TMEM63A: variants seen among roughly 807,000 people sequenced by gnomAD.
TMEM63A encodes the protein transmembrane protein 63A.
TMEM63A carries 76 observed loss-of-function variants against 100.6 expected under a neutral mutation model. That is an observed-to-expected ratio of 0.76 (90% CI 0.63 to 0.91). The LOEUF (loss-of-function observed/expected upper bound fraction) is 0.91, where lower values mean the gene tolerates loss of function less well. Among genes scored for constraint, TMEM63A ranks in the 40% least tolerant of loss-of-function variants. The pLI is 0.00. For missense variants in TMEM63A, 876 were observed against 1,008.8 expected, an observed-to-expected ratio of 0.87 and a Z score of 1.78; for synonymous variants, 401 against 401.1, an observed-to-expected ratio of 1.00 and a Z score of 0.00.
In TMEM63A at chr1:225,846,877, A is replaced by C. The variant is rs1489494209; in HGVS notation, c.*62T>G. The C allele has an allele frequency of 9.3e-6, 8 of 863,288 alleles. No homozygotes were observed. The highest frequency in any genetic ancestry group is 3.1e-5 in the Admixed American group (1 of 32,272). The allele number at this position is 863,288 out of a possible 1,614,324, so 53.5% of individuals were successfully genotyped here. On this transcript the variant is annotated 3_prime_UTR_variant, in exon 25 of 25. Transcript: ENST00000366835. ...GGGCAGTCCCAACGCATTCCCACTC[A>C]GCCAAGGGCCTGAGCCCCAGGCCAT...
chr1:225,866,825 G>A, intron 8 of TMEM63A, 143 bp from the exon 9 acceptor site: 1 of 770,402 alleles, frequency 1.3e-6, no homozygotes, highest in Admixed American at 2.2e-5. Flanking sequence ...CAGAGGTTGT[G>A]TGGCCAGCAC....
rs184515780 is a variant in TMEM63A, at chr1:225,852,356, G to A, written c.1903+308C>T. 4.4e-3 allele frequency among the ~76,000 whole-genome samples: 669 copies of A among 152,242 alleles called. 8 individuals are homozygous for A. The highest frequency in any genetic ancestry group is 4.5e-3 in the Non-Finnish European group (309 of 68,014). ...AAAAAGTTAGGCAGGCATGGTGGCG[G>A]GCACCTGTAATCCCAGCTACTCAGG... On this transcript the variant is annotated intron_variant, in intron 20 of 24. Transcript: ENST00000366835.
At chr1:225,852,440 C>A (rs1669389724) in intron 20 of TMEM63A, among the ~76,000 whole-genome samples, 1 of 152,188 alleles carries the variant, frequency 6.6e-6, no homozygotes, top group South Asian at 2.1e-4. Flanking sequence ...AAGCCAAGAT[C>A]ATGCCACTCC....
rs181009573 is a variant in TMEM63A at position 225,871,897 on chromosome 1, C to T, written c.333+90G>A. On this transcript the variant is annotated intron_variant, in intron 5 of 24. Coordinates refer to ENST00000366835, the MANE Select transcript of TMEM63A (RefSeq NM_014698.3). Reference sequence around the variant, plus strand: ...GAAAAGCACTTTCTCCAGCACTTGCCGCTCAAGATCCGCCCTGCTCCCTCC... The same window carrying T: ...GAAAAGCACTTTCTCCAGCACTTGCTGCTCAAGATCCGCCCTGCTCCCTCC... The T allele has an allele frequency of 1.9e-4, 186 of 975,244 alleles. 1 individual carries two copies. In the East Asian group the frequency reaches 4.1e-3, roughly 22 times the overall value. 60.4% of individuals were successfully genotyped at this position (975,244 alleles called of 1,614,324 possible).
intron 20 of TMEM63A, among the ~76,000 whole-genome samples, chr1:225,851,993 G>C (rs1241066176): frequency 6.6e-6 from 1 of 152,288 alleles, no homozygotes; most frequent in Non-Finnish European, 1.5e-5. Context: ...GTAGGATGAG[G>C]TGAGAAATGT....
In TMEM63A at chr1:225,845,719, C is replaced by T. The variant is rs1398719102; in HGVS notation, c.*1220G>A. 4 of 351,234 alleles carry T rather than the reference C, an allele frequency of 1.1e-5. No homozygotes were observed. Among genetic ancestry groups the T allele is most frequent in the South Asian group, 8.2e-5 (3 of 36,474 alleles). The allele number at this position is 351,234 out of a possible 1,614,324, so 21.8% of individuals were successfully genotyped here. On this transcript the variant is annotated 3_prime_UTR_variant, in exon 25 of 25. Coordinates refer to ENST00000366835, the MANE Select transcript of TMEM63A (RefSeq NM_014698.3). Reference sequence around the variant, plus strand: ...CTATGCTGCACCAGACCAATGGCACCGCCCCCACCCCTCCCAGCGCAGGGG... The same window carrying T: ...CTATGCTGCACCAGACCAATGGCACTGCCCCCACCCCTCCCAGCGCAGGGG...
In TMEM63A at chr1:225,845,842, A is replaced by G. The variant is rs1668940742; in HGVS notation, c.*1097T>C. 1 of 221,806 alleles carries G rather than the reference A, an allele frequency of 4.5e-6. No individual in the cohort carries two copies. Among genetic ancestry groups the G allele is most frequent in the Non-Finnish European group, 9.1e-6 (1 of 110,432 alleles). The allele number at this position is 221,806 out of a possible 1,614,324, so 13.7% of individuals were successfully genotyped here. On this transcript the variant is annotated 3_prime_UTR_variant, in exon 25 of 25. Coordinates refer to ENST00000366835, the MANE Select transcript of TMEM63A (RefSeq NM_014698.3). Reference sequence around the variant, plus strand: ...AGGCCCAGATAAGCCCAGGCCCCCCAGGCCAGCGGACAGGCACAGGCAGGG... The same window carrying G: ...AGGCCCAGATAAGCCCAGGCCCCCCGGGCCAGCGGACAGGCACAGGCAGGG...
intron 22 of TMEM63A, 30 bp from the exon 23 acceptor site, chr1:225,848,584 TAAAC>T: frequency 6.2e-7 from 1 of 1,611,576 alleles, no homozygotes; most frequent in Non-Finnish European, 8.5e-7. Context: ...CTTGCGATGA[TAAAC>T]AAAACTGATC....
At chr1:225,841,556 T>G (rs371401085), downstream of TMEM63A, among the ~76,000 whole-genome samples, 3 of 151,198 alleles carry the variant, frequency 2.0e-5, no homozygotes, top group East Asian at 1.9e-4. Context: ...AGTGCTGGGA[T>G]TACAGGTGTG....
At chr1:225,871,694 C>A in intron 5 of TMEM63A, 1 of 385,308 alleles carries the variant, frequency 2.6e-6, no homozygotes, top group South Asian at 6.8e-5. Context: ...ATCCAGCCAG[C>A]AAGTCCATAA....
chr1:225,855,728 G>C (rs981009119), intron 18 of TMEM63A, 150 bp downstream of exon 18: 17 of 715,236 alleles, frequency 2.4e-5, no homozygotes, highest in Non-Finnish European at 2.7e-5. Context: ...GCAGGGTGGA[G>C]GTGAGGCCCC....
rs1182152497 is a variant in TMEM63A at position 225,865,534 on chromosome 1, C to T, written c.746+363G>A. On this transcript the variant is annotated intron_variant, in intron 10 of 24. Coordinates refer to ENST00000366835, the MANE Select transcript of TMEM63A (RefSeq NM_014698.3). This position sits in a 1 kb window ranked among gnomAD's most constrained non-coding sequence, Gnocchi z 4.6. ...CTAGCCCTGTGGGTCCATACAAATG[C>T]TCAGCTCACGTCTCTCTTATTCTGC... 3 of 201,696 alleles carry T rather than the reference C, an allele frequency of 1.5e-5. No homozygotes were observed. Among genetic ancestry groups the T allele is most frequent in the Non-Finnish European group, 3.2e-5 (3 of 95,204 alleles). 12.5% of individuals were successfully genotyped at this position (201,696 alleles called of 1,614,324 possible). A position where few individuals can be genotyped will look rare whatever the true frequency, so the allele number is the denominator to read the frequency against.
downstream of TMEM63A, chr1:225,842,583 C>A: frequency 2.4e-6 from 2 of 839,094 alleles, no homozygotes; most frequent in South Asian, 2.7e-5. Context: ...TCAGCAAATT[C>A]TATTGTTGGC....
At position 225,845,548 on chromosome 1, in the gene TMEM63A, C is replaced by T. The variant is rs995328992; in HGVS notation, c.*1391G>A. 16 of 620,114 alleles carry T rather than the reference C, an allele frequency of 2.6e-5. No homozygotes were observed. The highest frequency in any genetic ancestry group is 8.2e-5 in the East Asian group (3 of 36,498). 38.4% of individuals were successfully genotyped at this position (620,114 alleles called of 1,614,324 possible). A position where few individuals can be genotyped will look rare whatever the true frequency, so the allele number is the denominator to read the frequency against. ...TAAGCAACATGGCTTTGATGATAAA[C>T]GACTTTACTCTAAAAGCGGCTGGAA... On this transcript the variant is annotated 3_prime_UTR_variant, in exon 25 of 25. Coordinates refer to ENST00000366835, the MANE Select transcript of TMEM63A (RefSeq NM_014698.3).
chr1:225,845,009 T>C (rs1407627791), downstream of TMEM63A: 1 of 979,680 alleles, frequency 1.0e-6, no homozygotes, highest in Non-Finnish European at 1.6e-6. Context: ...GTTGAGACCC[T>C]GGATTTGTCC....
At position 225,845,628 on chromosome 1, in the gene TMEM63A, C is replaced by G; in HGVS notation, c.*1311G>C. 1 of 522,784 alleles carries G rather than the reference C, an allele frequency of 1.9e-6. No homozygotes were observed. Among genetic ancestry groups the G allele is most frequent in the South Asian group, 2.1e-5 (1 of 48,416 alleles). The allele number at this position is 522,784 out of a possible 1,614,324, so 32.4% of individuals were successfully genotyped here. On this transcript the variant is annotated 3_prime_UTR_variant, in exon 25 of 25. Coordinates refer to ENST00000366835, the MANE Select transcript of TMEM63A (RefSeq NM_014698.3). Reference sequence around the variant, plus strand: ...CATGGGGCCCCCTGTGCAAGCAGAGCTGGCCGGCCCCTCCTTGCTGGCAGA... The same window carrying G: ...CATGGGGCCCCCTGTGCAAGCAGAGGTGGCCGGCCCCTCCTTGCTGGCAGA...
intron 17 of TMEM63A, 41 bp from the exon 18 acceptor site, chr1:225,855,981 T>G: frequency 1.9e-6 from 3 of 1,597,680 alleles, no homozygotes; most frequent in Non-Finnish European, 2.6e-6. Context: ...ATTTCCAGCA[T>G]TCCATATTGT....
Position 225,848,949 on chromosome 1 carries a change from A to G in TMEM63A, c.2135T>C (p.Leu712Pro). 6.2e-7 allele frequency: 1 copy of G among 1,602,170 alleles called. No individual in the cohort carries two copies. The highest frequency in any genetic ancestry group is 8.5e-7 in the Non-Finnish European group (1 of 1,174,630). The part of the protein sequence containing the change: ...LVLLLTILVC[L>P]AHTCFGCFKH... ...GAAGCATCCAAAGCAGGTGTGAGCC[A>G]GGCAGACCAGGATGGTGAGCAGCAG... Residue 712 changes from leucine to proline, a missense_variant, in exon 22 of 25, where the codon CTG (leucine) becomes CCG (proline). Leu to Pro is a moderately conservative substitution (Grantham distance 98). Coordinates refer to ENST00000366835, the MANE Select transcript of TMEM63A (RefSeq NM_014698.3).
chr1:225,874,523 C>A (rs1670677891), intron 3 of TMEM63A, among the ~76,000 whole-genome samples, 156 bp from the exon 4 acceptor site: 1 of 152,258 alleles, frequency 6.6e-6, no homozygotes, highest in Non-Finnish European at 1.5e-5. Context: ...CAAGGCCATG[C>A]AGCTCAGTAG....
Sources: gnomAD v4.1 joint callset for allele counts (sites outside exome capture counted in the v4.1 genomes callset) on GRCh38, gnomAD v4.1.1 for gene constraint, Gnocchi (gnomAD v3.1) non-coding constraint, MANE v1.5 for transcripts, NCBI Gene and HGNC (gene_info 2026-07-23, HGNC 2026-07-21) for gene names.